Variants in WDFY2 observed in about 807,000 individuals in gnomAD.
WDFY2 encodes WD repeat and FYVE domain containing 2.
In WDFY2, 36 loss-of-function variants were observed where a neutral mutation model predicts 56.4. The ratio of observed to expected loss-of-function variants is 0.64; its 90% CI spans 0.49 to 0.84. The LOEUF (loss-of-function observed/expected upper bound fraction) is 0.84, where lower values mean the gene tolerates loss of function less well. WDFY2 is among the 40% of genes least tolerant of loss of function. WDFY2 has a pLI of 0.00. For synonymous variants in WDFY2, 176 were observed against 183.7 expected (o/e 0.96, Z 0.34); for missense variants, 444 against 512.2 (o/e 0.87, Z 1.29).
At chr13:51,649,616 GT>G (rs1160146995) in intron 1 of WDFY2, among the ~76,000 whole-genome samples, 1 of 129,468 alleles carries the variant, frequency 7.7e-6, no homozygotes, top group Non-Finnish European at 1.5e-5. Flanking sequence ...GGTGTGTGAT[GT>G]TCCCCTTCCT....
chr13:51,619,195 G>A (rs1954680197), intron 1 of WDFY2, among the ~76,000 whole-genome samples: 1 of 152,182 alleles, frequency 6.6e-6, no homozygotes, highest in African/African-American at 2.4e-5. Context: ...GCTCACGCCT[G>A]TAATCCCAAT....
Position 51,616,707 on chromosome 13 carries a change from C to T in WDFY2, c.137+31883C>T, listed in dbSNP as rs537441107. ...CCACTTATTCTTCATCAAAGTTAGT[C>T]GCATGGTCGTGGCTAAATTTAAGGA... On this transcript the variant is annotated intron_variant, in intron 1 of 11. Transcript: ENST00000298125. 3.9e-5 allele frequency among the ~76,000 whole-genome samples: 6 copies of T among 152,258 alleles called. No homozygotes were observed. In the South Asian group the frequency reaches 1.0e-3, roughly 26 times the overall value.
At chr13:51,695,436 C>T (rs529871879) in intron 3 of WDFY2, among the ~76,000 whole-genome samples, 1 of 152,282 alleles carries the variant, frequency 6.6e-6, no homozygotes, top group South Asian at 2.1e-4. Context: ...TTGGAGTTTG[C>T]TAGAGGTCCA....
intron 1 of WDFY2, among the ~76,000 whole-genome samples, chr13:51,627,221 T>C (rs1954851980): frequency 6.6e-6 from 1 of 152,112 alleles, no homozygotes; most frequent in African/African-American, 2.4e-5. Context: ...CTTGGGGAGC[T>C]CCTTGCTCTG....
chr13:51,663,874 C>T (rs1955656813), intron 2 of WDFY2, among the ~76,000 whole-genome samples: 2 of 152,098 alleles, frequency 1.3e-5, no homozygotes, highest in South Asian at 2.1e-4. Context: ...TATTCTACTA[C>T]ATAATAAGTA....
chr13:51,624,486 C>A (rs1240643137), intron 1 of WDFY2, among the ~76,000 whole-genome samples: 5 of 152,170 alleles, frequency 3.3e-5, no homozygotes, highest in Non-Finnish European at 7.3e-5. Flanking sequence ...GTTAGTTGAG[C>A]CCCTGACTCT....
chr13:51,727,815 T>A, intron 6 of WDFY2, 25 bp downstream of exon 6: 1 of 1,606,074 alleles, frequency 6.2e-7, no homozygotes, highest in Non-Finnish European at 8.5e-7. Flanking sequence ...AAAATCGTCA[T>A]GTGCTGATAG....
intron 4 of WDFY2, among the ~76,000 whole-genome samples, chr13:51,712,348 C>T (rs550731727): frequency 1.4e-3 from 209 of 151,988 alleles, no homozygotes; most frequent in Admixed American, 2.3e-3. Flanking sequence ...ATGTAAATGA[C>T]GAGTTAATGG....
chr13:51,752,639 G>A (rs146519413), intron 8 of WDFY2, among the ~76,000 whole-genome samples: 57 of 152,308 alleles, frequency 3.7e-4, no homozygotes, highest in Non-Finnish European at 6.3e-4. Flanking sequence ...TAACAGTGTG[G>A]TGTCCAGAGA....
At chr13:51,668,301 C>T (rs142320752) in intron 2 of WDFY2, among the ~76,000 whole-genome samples, 2,585 of 152,128 alleles carry the variant, frequency 0.017, 36 homozygotes, top group Non-Finnish European at 0.026. Flanking sequence ...TTTCATCTGA[C>T]GGGGCATTTT....
At chr13:51,643,116 T>G (rs1955202789) in intron 1 of WDFY2, among the ~76,000 whole-genome samples, 1 of 152,338 alleles carries the variant, frequency 6.6e-6, no homozygotes, top group Non-Finnish European at 1.5e-5. Context: ...TTTTAACTAT[T>G]TGTAAGTGTT....
At chr13:51,634,947 T>G (rs1482032872) in intron 1 of WDFY2, among the ~76,000 whole-genome samples, 4 of 152,082 alleles carry the variant, frequency 2.6e-5, no homozygotes, top group Non-Finnish European at 5.9e-5. Flanking sequence ...TTTTTTAGTT[T>G]TATTTTTTTG....
chr13:51,689,380 C>T (rs1403474795), intron 3 of WDFY2, among the ~76,000 whole-genome samples: 2 of 152,058 alleles, frequency 1.3e-5, no homozygotes, highest in Non-Finnish European at 1.5e-5. Flanking sequence ...ATGTGTAAAC[C>T]TGAATTTGAG....
At chr13:51,753,903 G>T (rs1227464533) in intron 8 of WDFY2, among the ~76,000 whole-genome samples, 3 of 151,698 alleles carry the variant, frequency 2.0e-5, no homozygotes. Context: ...TGGTCAACAT[G>T]GCGAAACCCT....
At chr13:51,605,975 C>T (rs565232239) in intron 1 of WDFY2, among the ~76,000 whole-genome samples, 2 of 152,306 alleles carry the variant, frequency 1.3e-5, no homozygotes, top group South Asian at 2.1e-4. Context: ...CAGTTAGTCT[C>T]TACTCACTTT....
chr13:51,656,077 C>G (rs996143953), intron 1 of WDFY2, among the ~76,000 whole-genome samples: 2 of 111,826 alleles, frequency 1.8e-5, no homozygotes, highest in African/African-American at 3.5e-5. Flanking sequence ...TTTTCCTGCT[C>G]TAATCTTTGT....
intron 1 of WDFY2, among the ~76,000 whole-genome samples, chr13:51,645,946 C>T (rs1312548237): frequency 3.3e-5 from 5 of 152,236 alleles, no homozygotes; most frequent in Non-Finnish European, 7.3e-5. Context: ...ATGAACTCAA[C>T]ATTGCCTTCC....
chr13:51,620,805 C>G (rs1192642762), intron 1 of WDFY2, among the ~76,000 whole-genome samples: 2 of 152,098 alleles, frequency 1.3e-5, no homozygotes, highest in African/African-American at 4.8e-5. Flanking sequence ...TGGCAGAACC[C>G]CTTACATGTC....
At chr13:51,624,814 C>T (rs1593895046) in intron 1 of WDFY2, among the ~76,000 whole-genome samples, 1 of 152,208 alleles carries the variant, frequency 6.6e-6, no homozygotes, top group East Asian at 1.9e-4. Flanking sequence ...TTGGACATGA[C>T]TCTTCTTGGC....
Sources: gnomAD v4.1 joint callset for allele counts (sites outside exome capture counted in the v4.1 genomes callset) on GRCh38, gnomAD v4.1.1 for gene constraint, MANE v1.5 for transcripts, NCBI Gene and HGNC (gene_info 2026-07-23, HGNC 2026-07-21) for gene names.